Variants in CLHC1 observed in about 807,000 individuals in gnomAD.
The protein encoded by CLHC1 is clathrin heavy chain linker domain-containing protein 1.
In CLHC1, 72 loss-of-function variants were observed where a neutral mutation model predicts 69.5. That is an observed-to-expected ratio of 1.04 (90% CI 0.86 to 1.26). The LOEUF (loss-of-function observed/expected upper bound fraction) is 1.26. Ranked by LOEUF, CLHC1 falls within the 50% of genes most tolerant of loss-of-function variation. The pLI, the probability that CLHC1 is intolerant of heterozygous loss-of-function variation, is 0.00. For missense variants in CLHC1, 790 were observed against 679.3 expected (o/e 1.16, Z -1.81); for synonymous variants, 223 against 224.3 (o/e 0.99, Z 0.05).
chr2:55,226,062 G>C (rs563384327), intron 2 of CLHC1, among the ~76,000 whole-genome samples: 1 of 152,036 alleles, frequency 6.6e-6, no homozygotes, highest in African/African-American at 2.4e-5. Context: ...TGTGGTGGCG[G>C]GCGCCTGTAG....
At chr2:55,227,760 A>T (rs945546092) in intron 2 of CLHC1, among the ~76,000 whole-genome samples, 2 of 151,988 alleles carry the variant, frequency 1.3e-5, no homozygotes, top group African/African-American at 4.8e-5. Context: ...TGACATTTGG[A>T]CACCAGTGGC....
In CLHC1 at chr2:55,172,980, T is replaced by C. The variant is rs1230478718; in HGVS notation, c.*2810A>G. On this transcript the variant is annotated 3_prime_UTR_variant, in exon 13 of 13. Coordinates refer to ENST00000401408, the MANE Select transcript of CLHC1 (RefSeq NM_152385.4). ...CATTTTGATACATGCTTGACTATAA[T>C]AAACAAAAATGTAACTAGTTACAAT... Among the ~76,000 whole-genome samples the C allele has an allele frequency of 6.6e-6, 1 of 152,208 alleles. No individual in the cohort carries two copies. The highest frequency in any genetic ancestry group is 2.4e-5 in the African/African-American group (1 of 41,454).
rs1420824557 is a variant in CLHC1, at chr2:55,181,660, G to A, written c.1091C>T (p.Pro364Leu). Residue 364 changes from proline to leucine, a missense_variant, in exon 10 of 13, where the codon CCT becomes CTT. Transcript: ENST00000401408. ...LFITSHAFPC[P>L]VDAALTLEGI... ...TTCCAGGGTTAGAGCTGCATCAACA[G>A]GACATGGAAAAGCATGACTTGTGAT... is the stretch of plus-strand genomic sequence containing the variant. The A allele has an allele frequency of 1.2e-6, 2 of 1,613,184 alleles. No individual in the cohort carries two copies. Among genetic ancestry groups the A allele is most frequent in the Admixed American group, 3.3e-5 (2 of 59,978 alleles).
intron 4 of CLHC1, chr2:55,215,082 G>C (rs1252160755): frequency 6.6e-6 from 1 of 151,954 alleles, no homozygotes; most frequent in African/African-American, 2.4e-5. Flanking sequence ...TATTACATTT[G>C]GTAAATGATA....
At position 55,209,798 on chromosome 2, in the gene CLHC1, G is replaced by T. The variant is rs9677948; in HGVS notation, c.533C>A (p.Ala178Asp). ...AAGATGTTTCATGTATTTAGTGAGA[G>T]CATCTAGATTCATGGATTCTTGAAG... ...MTLQESMNLD[A>D]LTKYMKHLED... The change falls in exon 6 of 13, where the codon GCT (alanine) becomes GAT (aspartate). Residue 178 changes from alanine to aspartate, a missense_variant. By Grantham distance (126) the Ala-to-Asp change is moderately radical. Coordinates refer to ENST00000401408, the MANE Select transcript of CLHC1 (RefSeq NM_152385.4). 1.9e-6 allele frequency: 3 copies of T among 1,608,448 alleles called. No homozygotes were observed. The highest frequency in any genetic ancestry group is 2.7e-5 in the African/African-American group (2 of 74,740).
chr2:55,209,034 C>T (rs1672726834), intron 7 of CLHC1, among the ~76,000 whole-genome samples: 1 of 151,946 alleles, frequency 6.6e-6, no homozygotes, highest in Non-Finnish European at 1.5e-5. Flanking sequence ...CCACACCCGG[C>T]TAATTTTTTG....
intron 11 of CLHC1, among the ~76,000 whole-genome samples, chr2:55,180,176 T>G: frequency 1.3e-5 from 2 of 152,034 alleles, no homozygotes; most frequent in South Asian, 4.2e-4. Context: ...TATATATATA[T>G]CTCACAAATA....
At chr2:55,217,552 AATATATATATATATATATAT>A (rs781577612) in intron 4 of CLHC1, among the ~76,000 whole-genome samples, 1 of 43,156 alleles carries the variant, frequency 2.3e-5, no homozygotes, top group Non-Finnish European at 3.6e-5. Context: ...AAAAAAAAAA[AATATATATATATATATATAT>A]ATATATATAT....
intron 3 of CLHC1, among the ~76,000 whole-genome samples, chr2:55,219,236 G>A (rs1673878287): frequency 6.6e-6 from 1 of 152,132 alleles, no homozygotes; most frequent in Non-Finnish European, 1.5e-5. Flanking sequence ...TAATGAGTAG[G>A]TAATAAATAT....
At chr2:55,202,897 CAA>C (rs34307486) in intron 9 of CLHC1, among the ~76,000 whole-genome samples, 47 of 93,378 alleles carry the variant, frequency 5.0e-4, no homozygotes, top group South Asian at 4.0e-3. Flanking sequence ...AGACTCATCT[CAA>C]AAAAAAAAAA....
At chr2:55,182,340 G>A (rs1293072736) in intron 9 of CLHC1, among the ~76,000 whole-genome samples, 1 of 152,046 alleles carries the variant, frequency 6.6e-6, no homozygotes, top group Non-Finnish European at 1.5e-5. Context: ...GACAAATTAG[G>A]ATCCTGAAAT....
In CLHC1 at chr2:55,175,904, ATT is replaced by A; in HGVS notation, c.1645_1646del (p.Asn549TrpfsTer3). 1.2e-6 allele frequency: 2 copies of A among 1,614,062 alleles called. No homozygotes were observed. The highest frequency in any genetic ancestry group is 2.2e-5 in the South Asian group (2 of 91,082). ...WQEVANICSQ[N>X]GFDKLSNDIT... ...TGTCATTAGATAATTTGTCAAAGCC[ATT>A]CTGTGAACATATATTTGCCACTTCT... On this transcript the variant is annotated frameshift_variant, in exon 13 of 13. Transcript: ENST00000401408. LOFTEE classifies it high-confidence loss of function.
intron 11 of CLHC1, 136 bp downstream of exon 11, chr2:55,180,373 CA>C: frequency 1.6e-6 from 1 of 607,210 alleles, no homozygotes; most frequent in Non-Finnish European, 2.8e-6. Flanking sequence ...AAAAATTACA[CA>C]AGAAATCTCC....
chr2:55,223,799 CTT>C (rs148429043), intron 2 of CLHC1, among the ~76,000 whole-genome samples: 4 of 145,430 alleles, frequency 2.8e-5, no homozygotes, highest in African/African-American at 7.5e-5. Flanking sequence ...CGGATCGTAA[CTT>C]TTTTTTTTTT....
chr2:55,232,172 A>G (rs1675470159), intron 1 of CLHC1, 51 bp downstream of exon 1: 1 of 158,224 alleles, frequency 6.3e-6, no homozygotes, highest in Admixed American at 6.0e-5. Flanking sequence ...TGCTCTAGTC[A>G]CTTCCGGCCC....
rs1416305979 is a variant in CLHC1, at chr2:55,173,447, G to T, written c.*2343C>A. Among the ~76,000 whole-genome samples, 1 of 152,226 alleles carries T rather than the reference G, an allele frequency of 6.6e-6. No individual in the cohort carries two copies. The highest frequency in any genetic ancestry group is 1.5e-5 in the Non-Finnish European group (1 of 68,034). ...ATTTGAAATTTAGGCTGAAGGTCAAGAAGCATTGGGAAATAATTTGTACCT... is the reference window on the plus strand; with the variant it reads ...ATTTGAAATTTAGGCTGAAGGTCAATAAGCATTGGGAAATAATTTGTACCT... On this transcript the variant is annotated 3_prime_UTR_variant, in exon 13 of 13. Coordinates refer to ENST00000401408, the MANE Select transcript of CLHC1 (RefSeq NM_152385.4).
At chr2:55,207,208 T>C (rs767271628) in intron 8 of CLHC1, among the ~76,000 whole-genome samples, 1 of 151,962 alleles carries the variant, frequency 6.6e-6, no homozygotes, top group Admixed American at 6.6e-5. Context: ...AGGTTCCCAA[T>C]CGAAGATTAG....
intron 9 of CLHC1, among the ~76,000 whole-genome samples, chr2:55,192,403 C>T (rs1286683630): frequency 6.6e-6 from 1 of 152,062 alleles, no homozygotes; most frequent in Admixed American, 6.6e-5. Flanking sequence ...TACAGGTGCA[C>T]TGCTTCTGGC....
chr2:55,198,650 A>G (rs903438639), intron 9 of CLHC1, among the ~76,000 whole-genome samples: 10 of 152,176 alleles, frequency 6.6e-5, no homozygotes, highest in African/African-American at 2.4e-4. Context: ...AAAGCTATCA[A>G]TATTCAAGTA....
Sources: allele counts gnomAD v4.1 joint callset (sites outside exome capture counted in the v4.1 genomes callset), GRCh38; gene constraint gnomAD v4.1.1; transcripts MANE v1.5; gene names NCBI Gene and HGNC (gene_info 2026-07-23, HGNC 2026-07-21).